Variants in FSIP1 observed in about 807,000 individuals in gnomAD.
FSIP1 encodes the protein fibrous sheath-interacting protein 1.
A neutral mutation model predicts 60.9 loss-of-function variants in FSIP1; 65 were observed. That is an observed-to-expected ratio of 1.07 (90% CI 0.87 to 1.31). The LOEUF is 1.31. FSIP1 is among the 40% of genes most tolerant of loss of function. The pLI is 0.00. For missense variants in FSIP1, 675 were observed against 665.5 expected, an observed-to-expected ratio of 1.01 and a Z score of -0.16; for synonymous variants, 209 against 221.2, an observed-to-expected ratio of 0.94 and a Z score of 0.49.
chr15:39,625,424 A>AGT (rs1341248939), intron 10 of FSIP1, among the ~76,000 whole-genome samples: 3 of 152,182 alleles, frequency 2.0e-5, no homozygotes, highest in Non-Finnish European at 4.4e-5. Flanking sequence ...TAAGCAGAAA[A>AGT]GTGTGGAGGT....
intron 10 of FSIP1, among the ~76,000 whole-genome samples, chr15:39,673,230 C>T (rs1398108859): frequency 6.6e-6 from 1 of 152,174 alleles, no homozygotes; most frequent in Non-Finnish European, 1.5e-5. Context: ...TAGGAGTAAA[C>T]GCAACACAGT....
chr15:39,711,843 C>T (rs1033091758), intron 10 of FSIP1, among the ~76,000 whole-genome samples: 2 of 151,954 alleles, frequency 1.3e-5, no homozygotes, highest in African/African-American at 4.8e-5. Context: ...CACTGCCAAG[C>T]CCGGCTAATT....
chr15:39,692,757 A>G (rs2140507457), intron 10 of FSIP1, among the ~76,000 whole-genome samples: 1 of 150,160 alleles, frequency 6.7e-6, no homozygotes, highest in South Asian at 2.1e-4. Flanking sequence ...AAAAAAAAAG[A>G]AAGAAAGAAA....
intron 10 of FSIP1, among the ~76,000 whole-genome samples, chr15:39,633,376 C>T (rs901857823): frequency 7.9e-5 from 12 of 152,178 alleles, no homozygotes; most frequent in African/African-American, 2.9e-4. Flanking sequence ...GTGTGAGCCA[C>T]TGCACTCGGC....
At chr15:39,680,039 G>T (rs1894097836) in intron 10 of FSIP1, among the ~76,000 whole-genome samples, 1 of 152,162 alleles carries the variant, frequency 6.6e-6, no homozygotes, top group African/African-American at 2.4e-5. Context: ...ACTAATTTCA[G>T]TGAAGAAAGT....
chr15:39,643,724 G>A (rs1383246975), intron 10 of FSIP1, among the ~76,000 whole-genome samples: 2 of 152,274 alleles, frequency 1.3e-5, no homozygotes, highest in East Asian at 3.9e-4. Context: ...AAATAAGTGG[G>A]AACATCAAGT....
At chr15:39,780,642 A>G (rs993072381) in intron 1 of FSIP1, among the ~76,000 whole-genome samples, 1 of 152,264 alleles carries the variant, frequency 6.6e-6, no homozygotes, top group Non-Finnish European at 1.5e-5. Context: ...CAGTTCACTT[A>G]GGTGGTATAT....
chr15:39,647,946 G>T (rs1892689216), intron 10 of FSIP1, among the ~76,000 whole-genome samples: 1 of 147,168 alleles, frequency 6.8e-6, no homozygotes. Flanking sequence ...TTAGTCACTG[G>T]TATTTAATGC....
intron 10 of FSIP1, among the ~76,000 whole-genome samples, chr15:39,623,993 G>A (rs2140390936): frequency 6.6e-6 from 1 of 152,176 alleles, no homozygotes; most frequent in East Asian, 1.9e-4. Context: ...ATGTCCTTTA[G>A]CTCTCTATAT....
chr15:39,662,666 A>T lies in FSIP1; in HGVS notation c.1189-44421T>A, dbSNP rs181906581. Among the ~76,000 whole-genome samples, 522 of 152,048 alleles carry T rather than the reference A, an allele frequency of 3.4e-3. 3 individuals carry two copies. The highest frequency in any genetic ancestry group is 6.0e-3 in the Non-Finnish European group (406 of 67,946). On this transcript the variant is annotated intron_variant, in intron 10 of 11. Coordinates refer to ENST00000350221, the MANE Select transcript of FSIP1 (RefSeq NM_152597.5). The stretch of plus-strand genomic sequence containing the variant: ...CTGCCTCAGCTGGATAGGGATGATT[A>T]TCTTACTATCCAACACTAGACTGTA...
chr15:39,679,835 T>C (rs912567527), intron 10 of FSIP1, among the ~76,000 whole-genome samples: 1 of 152,214 alleles, frequency 6.6e-6, no homozygotes, highest in East Asian at 1.9e-4. Flanking sequence ...TTTCCACTTG[T>C]CACAAATGCA....
chr15:39,745,951 T>C (rs1410984313), intron 5 of FSIP1, among the ~76,000 whole-genome samples: 2 of 152,032 alleles, frequency 1.3e-5, no homozygotes, highest in East Asian at 3.9e-4. Context: ...TGGTGGCATG[T>C]ACCTGTAATC....
chr15:39,659,185 T>C (rs770141713), intron 10 of FSIP1, among the ~76,000 whole-genome samples: 6 of 152,170 alleles, frequency 3.9e-5, no homozygotes, highest in Non-Finnish European at 7.3e-5. Context: ...AAGGTTTCTT[T>C]TGAGGGTAAA....
intron 3 of FSIP1, among the ~76,000 whole-genome samples, chr15:39,767,371 A>G (rs570213229): frequency 6.6e-6 from 1 of 152,346 alleles, no homozygotes; most frequent in South Asian, 2.1e-4. Flanking sequence ...CTAAAACAAT[A>G]TAAACAAATC....
At chr15:39,713,698 C>G in intron 9 of FSIP1, 117 bp from the exon 10 acceptor site, 2 of 921,524 alleles carry the variant, frequency 2.2e-6, no homozygotes, top group Non-Finnish European at 3.2e-6. Context: ...TTATTTCTTC[C>G]CTTCAAAACA....
chr15:39,756,773 G>C (rs1897313884), intron 5 of FSIP1, among the ~76,000 whole-genome samples: 1 of 152,164 alleles, frequency 6.6e-6, no homozygotes. Context: ...TAGGTATGCT[G>C]AAATAGGTCT....
intron 5 of FSIP1, chr15:39,747,502 C>T (rs1277963329): frequency 6.6e-6 from 1 of 152,128 alleles, no homozygotes; most frequent in Non-Finnish European, 1.5e-5. Context: ...CTGGATTGTA[C>T]ATTGTGACTC....
chr15:39,729,603 C>A (rs72727072), intron 8 of FSIP1, among the ~76,000 whole-genome samples: 12 of 151,908 alleles, frequency 7.9e-5, no homozygotes, highest in African/African-American at 2.9e-4. Context: ...CACATGCATG[C>A]GTATGTTCAT....
intron 11 of FSIP1, among the ~76,000 whole-genome samples, chr15:39,611,910 C>T (rs532529887): frequency 6.6e-6 from 1 of 152,052 alleles, no homozygotes; most frequent in African/African-American, 2.4e-5. Flanking sequence ...AAAAGCTACA[C>T]AAAGAGACAA....
Sources: gnomAD v4.1 joint callset for allele counts (sites outside exome capture counted in the v4.1 genomes callset) on GRCh38, gnomAD v4.1.1 for gene constraint, MANE v1.5 for transcripts, NCBI Gene and HGNC (gene_info 2026-07-23, HGNC 2026-07-21) for gene names.